Variants in CEP162 observed in about 807,000 individuals in gnomAD.
The protein encoded by CEP162 is centrosomal protein 162.
CEP162 carries 141 observed loss-of-function variants against 169.2 expected under a neutral mutation model. The ratio of observed to expected loss-of-function variants is 0.83; its 90% confidence interval spans 0.73 to 0.96. CEP162 has a LOEUF of 0.96. CEP162 is among the 40% of genes least tolerant of loss of function. The probability of loss-of-function intolerance (pLI) is 0.00; values close to 1 mark genes in which losing one functional copy is unlikely to be tolerated. For missense variants in CEP162, 1,600 were observed against 1,587.2 expected (o/e 1.01, Z -0.14); for synonymous variants, 540 against 526.4 (o/e 1.03, Z -0.35).
chr6:84,171,818 T>C, intron 16 of CEP162, 100 bp from the exon 17 acceptor site: 1 of 432,694 alleles, frequency 2.3e-6, no homozygotes, highest in Non-Finnish European at 4.0e-6. Context: ...AACGGCCTTT[T>C]AAGTTTCTTT....
chr6:84,199,532 C>G (rs764361096), intron 9 of CEP162, among the ~76,000 whole-genome samples: 1 of 134,880 alleles, frequency 7.4e-6, no homozygotes, highest in Non-Finnish European at 1.5e-5. Flanking sequence ...TATAGGTATA[C>G]TATATATCAA....
chr6:84,215,162 T>G, intron 5 of CEP162, 120 bp downstream of exon 5: 1 of 531,272 alleles, frequency 1.9e-6, no homozygotes, highest in East Asian at 3.2e-5. Flanking sequence ...GATAATAGAT[T>G]TAAAAAATAA....
rs140714792 is a variant in CEP162 at position 84,173,007 on chromosome 6, C to T, written c.2166+1041G>A. Among the ~76,000 whole-genome samples, 633 of 152,090 alleles carry T rather than the reference C, an allele frequency of 4.2e-3. 1 individual carries two copies. Among genetic ancestry groups the T allele is most frequent in the African/African-American group, 0.014 (576 of 41,496 alleles). On this transcript the variant is annotated intron_variant, in intron 16 of 26. Coordinates refer to ENST00000403245, the MANE Select transcript of CEP162 (RefSeq NM_014895.4). ...TTGCAAACATCTGCCTCTATAGGACCCAAAGATTTTCTTGCATTAAATTCA... is the reference window on the plus strand; with the variant it reads ...TTGCAAACATCTGCCTCTATAGGACTCAAAGATTTTCTTGCATTAAATTCA...
At chr6:84,131,957 C>T (rs1005054788) in intron 25 of CEP162, among the ~76,000 whole-genome samples, 2 of 152,142 alleles carry the variant, frequency 1.3e-5, no homozygotes, top group Non-Finnish European at 2.9e-5. Flanking sequence ...TACAATTTGG[C>T]ATGTTTTAGC....
intron 25 of CEP162, among the ~76,000 whole-genome samples, chr6:84,133,580 C>G (rs1035765452): frequency 6.6e-6 from 1 of 152,204 alleles, no homozygotes; most frequent in African/African-American, 2.4e-5. Flanking sequence ...GCCCCTCCCC[C>G]AGCCTTGCTG....
Position 84,124,650 on chromosome 6 carries a change from G to C in CEP162, c.*420C>G, listed in dbSNP as rs1443286470. On this transcript the variant is annotated 3_prime_UTR_variant, in exon 27 of 27. Coordinates refer to ENST00000403245, the MANE Select transcript of CEP162 (RefSeq NM_014895.4). ...TACAGTGTTTAATATTTGGATGATG[G>C]GTACACTAGAAGCCCAATTCCCACC... is the stretch of plus-strand genomic sequence containing the variant. 4.5e-6 allele frequency: 1 copy of C among 219,806 alleles called. No homozygotes were observed. The highest frequency in any genetic ancestry group is 2.4e-5 in the African/African-American group (1 of 41,754). The allele number at this position is 219,806 out of a possible 1,614,324, so 13.6% of individuals were successfully genotyped here.
At position 84,152,967 on chromosome 6, in the gene CEP162, T is replaced by A; in HGVS notation, c.3207A>T (p.Glu1069Asp). 1 of 1,613,626 alleles carries A rather than the reference T, an allele frequency of 6.2e-7. No individual in the cohort carries two copies. The highest frequency in any genetic ancestry group is 8.5e-7 in the Non-Finnish European group (1 of 1,179,744). ...CCTGGAATTCTATAGACTGAAAATC[T>A]TCATCATCTTTATCATTTTTCTTGA... ...LDVKKNDKDD[E>D]DFQSIEFQVE... The change falls in exon 23 of 27, where the codon GAA (glutamate) becomes GAT (aspartate). Residue 1069 changes from glutamate to aspartate, a missense_variant. Physicochemically the swap from Glu to Asp is conservative, Grantham distance 45. Coordinates refer to ENST00000403245, the MANE Select transcript of CEP162 (RefSeq NM_014895.4).
At chr6:84,189,016 T>A (rs1166322735) in intron 11 of CEP162, among the ~76,000 whole-genome samples, 1 of 152,162 alleles carries the variant, frequency 6.6e-6, no homozygotes, top group Non-Finnish European at 1.5e-5. Context: ...GCTTGTTGGC[T>A]GCACGTCTTC....
intron 7 of CEP162, among the ~76,000 whole-genome samples, chr6:84,203,269 G>A (rs1024681337): frequency 3.3e-5 from 5 of 152,126 alleles, no homozygotes; most frequent in African/African-American, 9.7e-5. Context: ...AGTTTCAGAC[G>A]TTAATGTTGT....
intron 18 of CEP162, among the ~76,000 whole-genome samples, chr6:84,164,041 G>C (rs1243660411): frequency 2.0e-5 from 3 of 149,490 alleles, no homozygotes; most frequent in Non-Finnish European, 4.4e-5. Context: ...GTGGGTGAAG[G>C]ATATAGACAG....
chr6:84,160,923 A>G lies in CEP162; in HGVS notation c.2677-7T>C, dbSNP rs757342003. On this transcript the variant is annotated splice_region_variant and splice_polypyrimidine_tract_variant and intron_variant, in intron 20 of 26. Coordinates refer to ENST00000403245, the MANE Select transcript of CEP162 (RefSeq NM_014895.4). Reference sequence around the variant, plus strand: ...CAGCTTTCAGTTTCTCAATCTGTCAATAAATAAATAACATGTTAAGAAGCA... The same window carrying G: ...CAGCTTTCAGTTTCTCAATCTGTCAGTAAATAAATAACATGTTAAGAAGCA... The G allele has an allele frequency of 1.3e-6, 2 of 1,548,724 alleles. No homozygotes were observed. Among genetic ancestry groups the G allele is most frequent in the Admixed American group, 3.3e-5 (2 of 59,884 alleles).
intron 18 of CEP162, among the ~76,000 whole-genome samples, chr6:84,165,489 C>T (rs900039003): frequency 6.6e-6 from 1 of 152,060 alleles, no homozygotes; most frequent in Non-Finnish European, 1.5e-5. Context: ...CTGTCTCCCA[C>T]AAACTTCAGT....
intron 6 of CEP162, among the ~76,000 whole-genome samples, chr6:84,206,173 C>G (rs2099546878): frequency 6.7e-6 from 1 of 149,188 alleles, no homozygotes; most frequent in South Asian, 2.1e-4. Flanking sequence ...CAGTGCCATC[C>G]CCATCAAGCT....
intron 23 of CEP162, among the ~76,000 whole-genome samples, chr6:84,152,293 C>T (rs1002317301): frequency 6.6e-6 from 1 of 152,150 alleles, no homozygotes. Flanking sequence ...TGCCAAAAGG[C>T]AAGACTGGCG....
At chr6:84,221,255 G>C in intron 2 of CEP162, 84 bp from the exon 3 acceptor site, 1 of 694,154 alleles carries the variant, frequency 1.4e-6, no homozygotes, top group East Asian at 2.6e-5. Context: ...GTTTCTATTA[G>C]TTCGCTCACA....
chr6:84,157,230 T>C (rs538931279), intron 21 of CEP162, among the ~76,000 whole-genome samples: 38 of 152,368 alleles, frequency 2.5e-4, no homozygotes, highest in Admixed American at 2.0e-4. Context: ...GAGATATTTA[T>C]AGCATGTCTC....
Position 84,149,628 on chromosome 6 carries a change from G to C in CEP162, c.3705C>G (p.Cys1235Trp). ...AAGAAGAATTTTCTACTGCATTTTG[G>C]CAAAGGAGTTTCTCTATTTCTCTCT... Reference protein sequence around the residue: ...SHQREIEKLLCQNAVENSSSK... With the variant: ...SHQREIEKLLWQNAVENSSSK... The change falls in exon 24 of 27, where the codon TGC (cysteine) becomes TGG (tryptophan). Residue 1235 changes from cysteine (C) to tryptophan (W), a missense_variant. Coordinates refer to ENST00000403245, the MANE Select transcript of CEP162 (RefSeq NM_014895.4). 1 of 1,605,166 alleles carries C rather than the reference G, an allele frequency of 6.2e-7. No individual in the cohort carries two copies. Among genetic ancestry groups the C allele is most frequent in the Non-Finnish European group, 8.5e-7 (1 of 1,175,146 alleles).
intron 25 of CEP162, among the ~76,000 whole-genome samples, chr6:84,139,645 G>T (rs1361383516): frequency 6.6e-6 from 1 of 152,138 alleles, no homozygotes; most frequent in Non-Finnish European, 1.5e-5. Context: ...ACCAAACTCA[G>T]CTCTCCCAGA....
Position 84,125,212 on chromosome 6 carries a change from CTT to C in CEP162, c.4068_4069del (p.Arg1357ThrfsTer8). 1 of 1,613,628 alleles carries C rather than the reference CTT, an allele frequency of 6.2e-7. No individual in the cohort carries two copies. ...CTCACGATTCTTTAACTGTGCCAGTCTTTTCCATTTTTCAACTTCTTTGTTTT... is the reference window on the plus strand; with the variant it reads ...CTCACGATTCTTTAACTGTGCCAGTCTTCCATTTTTCAACTTCTTTGTTTT... On this transcript the variant is annotated frameshift_variant, in exon 27 of 27. Coordinates refer to ENST00000403245, the MANE Select transcript of CEP162 (RefSeq NM_014895.4). LOFTEE classifies it high-confidence loss of function.
Sources: gnomAD v4.1 joint callset for allele counts (sites outside exome capture counted in the v4.1 genomes callset) on GRCh38, gnomAD v4.1.1 for gene constraint, MANE v1.5 for transcripts, NCBI Gene and HGNC (gene_info 2026-07-23, HGNC 2026-07-21) for gene names.